APOH: variants seen among roughly 807,000 people sequenced by gnomAD.
The protein encoded by APOH is apolipoprotein H.
APOH carries 48 observed loss-of-function variants against 39.8 expected under a neutral mutation model. That is an observed-to-expected ratio of 1.21 (90% CI 0.96 to 1.54). The LOEUF (loss-of-function observed/expected upper bound fraction) is 1.54, where lower values mean the gene tolerates loss of function less well. Among genes scored for constraint, APOH ranks in the 40% most tolerant of loss-of-function variants. APOH has a pLI of 0.00. For synonymous variants in APOH, 153 were observed against 151.1 expected (o/e 1.01, Z -0.09); for missense variants, 415 against 421.2 (o/e 0.99, Z 0.13).
intron 5 of APOH, among the ~76,000 whole-genome samples, chr17:66,219,360 CAGAG>C (rs1469713559): frequency 6.6e-6 from 1 of 151,448 alleles, no homozygotes; most frequent in African/African-American, 2.4e-5. Flanking sequence ...TATGGAGAAA[CAGAG>C]AGAAAAATGT....
intron 5 of APOH, 54 bp from the exon 6 acceptor site, chr17:66,217,021 T>C: frequency 2.9e-6 from 4 of 1,392,594 alleles, no homozygotes; most frequent in Non-Finnish European, 3.9e-6. Context: ...TATCCAATAG[T>C]CATGAAATAG....
chr17:66,221,381 GAGGA>G (rs1230021025), intron 4 of APOH, among the ~76,000 whole-genome samples: 344 of 28,392 alleles, frequency 0.012, 3 homozygotes, highest in Middle Eastern at 0.015. Context: ...GGGAGGGAGG[GAGGA>G]AGGAAGGAAG....
chr17:66,213,093 C>T (rs2146989758), intron 7 of APOH, among the ~76,000 whole-genome samples: 1 of 152,316 alleles, frequency 6.6e-6, no homozygotes, highest in Admixed American at 6.5e-5. Flanking sequence ...CCCTTCTCTC[C>T]CACTAGCTGG....
At chr17:66,219,507 C>T (rs1367496285) in intron 5 of APOH, among the ~76,000 whole-genome samples, 1 of 152,064 alleles carries the variant, frequency 6.6e-6, no homozygotes, top group African/African-American at 2.4e-5. Context: ...AGTTGAGTGC[C>T]CAGAAAGGTA....
chr17:66,225,531 T>C (rs1488417360), intron 3 of APOH, among the ~76,000 whole-genome samples: 1 of 152,184 alleles, frequency 6.6e-6, no homozygotes, highest in Non-Finnish European at 1.5e-5. Flanking sequence ...CCAGAGATCA[T>C]ATGGAATTAT....
Position 66,214,661 on chromosome 17 carries a change from G to C in APOH, c.785-11C>G. The stretch of plus-strand genomic sequence containing the variant: ...GTACTTTACAAGATGCTGAAAGAGA[G>C]AATACTTGTAATCAGGACTTAAGAG... On this transcript the variant is annotated splice_polypyrimidine_tract_variant and intron_variant, in intron 6 of 7. Coordinates refer to ENST00000205948, the MANE Select transcript of APOH (RefSeq NM_000042.3). 1 of 1,604,708 alleles carries C rather than the reference G, an allele frequency of 6.2e-7. No individual in the cohort carries two copies. The highest frequency in any genetic ancestry group is 8.5e-7 in the Non-Finnish European group (1 of 1,172,816).
chr17:66,218,454 G>T (rs540733369), intron 5 of APOH, among the ~76,000 whole-genome samples: 4 of 151,908 alleles, frequency 2.6e-5, no homozygotes, highest in African/African-American at 9.7e-5. Flanking sequence ...GACTACAGGC[G>T]CACGCCACCA....
At chr17:66,220,777 T>G (rs767250268) in intron 4 of APOH, 35 bp from the exon 5 acceptor site, 1 of 1,556,502 alleles carries the variant, frequency 6.4e-7, no homozygotes, top group Non-Finnish European at 8.7e-7. Flanking sequence ...TCTATGAAAA[T>G]AGTTAAGGCT....
At chr17:66,220,763 C>T in intron 4 of APOH, 21 bp from the exon 5 acceptor site, 1 of 1,582,284 alleles carries the variant, frequency 6.3e-7, no homozygotes, top group Non-Finnish European at 8.6e-7. Flanking sequence ...AAAGAACTAT[C>T]ATTTCTATGA....
chr17:66,213,972 G>A (rs1342556393), intron 7 of APOH, among the ~76,000 whole-genome samples: 1 of 151,964 alleles, frequency 6.6e-6, no homozygotes. Context: ...ATGCAAGTGG[G>A]GACGCCATCT....
At chr17:66,220,388 C>T (rs951426903) in intron 5 of APOH, among the ~76,000 whole-genome samples, 166 bp downstream of exon 5, 4 of 152,168 alleles carry the variant, frequency 2.6e-5, no homozygotes, top group African/African-American at 7.2e-5. Flanking sequence ...TCTCATTCAT[C>T]GGGAATCCAC....
At position 66,220,439 on chromosome 17, in the gene APOH, A is replaced by C. The variant is rs2146994714; in HGVS notation, c.604+115T>G. ...GCCTGGCACATGGTAGATGCTCAAT[A>C]AACAGCTGTTGAATGAGTTCATTGG... is the stretch of plus-strand genomic sequence containing the variant. On this transcript the variant is annotated intron_variant, in intron 5 of 7. Transcript: ENST00000205948. 1.1e-5 allele frequency: 11 copies of C among 980,674 alleles called. No homozygotes were observed. The South Asian group carries it at 1.4e-4, about 12-fold the overall frequency. The allele number at this position is 980,674 out of a possible 1,614,324, so 60.7% of individuals were successfully genotyped here.
At chr17:66,215,128 G>A (rs1003386216) in intron 6 of APOH, among the ~76,000 whole-genome samples, 4 of 152,174 alleles carry the variant, frequency 2.6e-5, no homozygotes, top group Non-Finnish European at 4.4e-5. Flanking sequence ...CACCCCCAGG[G>A]TCAGGGAAGG....
chr17:66,212,518 GGGACTACA>G (rs1468768349), intron 7 of APOH, among the ~76,000 whole-genome samples: 1 of 152,100 alleles, frequency 6.6e-6, no homozygotes, highest in East Asian at 1.9e-4. Flanking sequence ...CCGAGTAGCT[GGGACTACA>G]GGCACGTGCC....
chr17:66,221,249 AAG>A (rs773552923), intron 4 of APOH, among the ~76,000 whole-genome samples: 3 of 132,358 alleles, frequency 2.3e-5, no homozygotes, highest in Admixed American at 2.2e-4. Context: ...GACAGAAAGA[AAG>A]AGAGAGAGAG....
intron 3 of APOH, among the ~76,000 whole-genome samples, chr17:66,224,966 C>T (rs1042645899): frequency 4.0e-5 from 6 of 151,360 alleles, no homozygotes; most frequent in Non-Finnish European, 8.8e-5. Flanking sequence ...ACTTGGGAAG[C>T]TGAGGCAGGA....
chr17:66,217,501 C>A (rs138926766), intron 5 of APOH, among the ~76,000 whole-genome samples: 1 of 152,150 alleles, frequency 6.6e-6, no homozygotes, highest in South Asian at 2.1e-4. Flanking sequence ...ACAGTAGAGG[C>A]CCAAACCCAC....
intron 3 of APOH, among the ~76,000 whole-genome samples, chr17:66,224,567 AGACG>A (rs1342609297): frequency 6.8e-6 from 1 of 147,116 alleles, no homozygotes; most frequent in African/African-American, 2.5e-5. Flanking sequence ...AAGAAAAGAA[AGACG>A]GAAGGAAGGG....
chr17:66,221,387 GGAAGGA>G lies in APOH; in HGVS notation c.416-651_416-646del. On this transcript the variant is annotated intron_variant, in intron 4 of 7. Transcript: ENST00000205948. ...GGAGGGGAGGGGAGGGAGGGAGGAA[GGAAGGA>G]AGGAAGGAAGGAAGGAAGGAAGGAA... is the stretch of plus-strand genomic sequence containing the variant. 9.0e-5 allele frequency among the ~76,000 whole-genome samples: 5 copies of G among 55,750 alleles called. 1 individual carries two copies. Among genetic ancestry groups the G allele is most frequent in the Non-Finnish European group, 1.6e-4 (5 of 30,614 alleles). 36.6% of individuals were successfully genotyped at this position (55,750 alleles called of 152,430 possible). A position where few individuals can be genotyped will look rare whatever the true frequency, so the allele number is the denominator to read the frequency against.
Sources: gnomAD v4.1 joint callset for allele counts (sites outside exome capture counted in the v4.1 genomes callset) on GRCh38, gnomAD v4.1.1 for gene constraint, MANE v1.5 for transcripts, NCBI Gene and HGNC (gene_info 2026-07-23, HGNC 2026-07-21) for gene names.